MGAT4C: variants seen among roughly 807,000 people sequenced by gnomAD.
MGAT4C encodes alpha-1,3-mannosyl-glycoprotein 4-beta-N-acetylglucosaminyltransferase C.
Under a neutral mutation model 40.1 loss-of-function variants are expected in MGAT4C, and 19 were observed. The ratio of observed to expected loss-of-function variants is 0.47; its 90% confidence interval spans 0.33 to 0.70. MGAT4C has a LOEUF of 0.70. Among genes scored for constraint, MGAT4C ranks in the 30% least tolerant of loss-of-function variants. MGAT4C has a pLI of 0.02. For synonymous variants in MGAT4C, 181 were observed against 187.1 expected (o/e 0.97, Z 0.27); for missense variants, 491 against 563.2 (o/e 0.87, Z 1.30).
At chr12:86,158,028 T>A (rs1296377418) in intron 1 of MGAT4C, among the ~76,000 whole-genome samples, 1 of 152,122 alleles carries the variant, frequency 6.6e-6, no homozygotes, top group Non-Finnish European at 1.5e-5. Context: ...AAATAATAAA[T>A]CATATTGCCC....
intron 3 of MGAT4C, among the ~76,000 whole-genome samples, chr12:86,339,928 G>C (rs375061819): frequency 6.6e-6 from 1 of 152,010 alleles, no homozygotes; most frequent in African/African-American, 2.4e-5. Flanking sequence ...GCAGCACTTT[G>C]GTTTTATTTT....
At chr12:86,159,082 G>A (rs1885299941) in intron 1 of MGAT4C, among the ~76,000 whole-genome samples, 1 of 152,076 alleles carries the variant, frequency 6.6e-6, no homozygotes. Context: ...GAATAGAAGT[G>A]GTGAGAGTAG....
intron 2 of MGAT4C, among the ~76,000 whole-genome samples, chr12:86,544,417 T>G (rs11103983): frequency 6.6e-6 from 1 of 151,954 alleles, no homozygotes; most frequent in Non-Finnish European, 1.5e-5. Context: ...GTATCCTCAG[T>G]TTATTTGTGT....
chr12:86,287,867 T>G (rs888417568), intron 4 of MGAT4C, among the ~76,000 whole-genome samples: 9 of 152,216 alleles, frequency 5.9e-5, no homozygotes, highest in Admixed American at 5.9e-4. Flanking sequence ...ATATACCCAG[T>G]AATGGGATTG....
At chr12:86,610,606 C>T (rs1314208031) in intron 2 of MGAT4C, among the ~76,000 whole-genome samples, 2 of 149,812 alleles carry the variant, frequency 1.3e-5, no homozygotes, top group African/African-American at 2.5e-5. Flanking sequence ...TATTATTATA[C>T]TTCAAGTTTT....
chr12:86,599,050 A>G (rs1961654961), intron 2 of MGAT4C, among the ~76,000 whole-genome samples: 1 of 152,122 alleles, frequency 6.6e-6, no homozygotes, highest in African/African-American at 2.4e-5. Flanking sequence ...TAAGTACACC[A>G]TTCCTTCTTC....
chr12:86,669,537 T>C (rs900584139), intron 2 of MGAT4C, among the ~76,000 whole-genome samples: 1 of 152,196 alleles, frequency 6.6e-6, no homozygotes, highest in Non-Finnish European at 1.5e-5. Context: ...ATGCAGAGAA[T>C]TGGGTCAGGG....
At chr12:86,420,393 TA>T (rs886624389) in intron 3 of MGAT4C, among the ~76,000 whole-genome samples, 5 of 151,310 alleles carry the variant, frequency 3.3e-5, no homozygotes, top group African/African-American at 1.2e-4. Context: ...AAAAGAAAAT[TA>T]AAAAAAAATT....
intron 2 of MGAT4C, among the ~76,000 whole-genome samples, chr12:86,615,673 T>A (rs1962425245): frequency 6.6e-6 from 1 of 152,044 alleles, no homozygotes; most frequent in African/African-American, 2.4e-5. Context: ...AGAACGCTAA[T>A]CCTATGAGAT....
intron 1 of MGAT4C, among the ~76,000 whole-genome samples, chr12:86,805,834 C>G (rs1330661583): frequency 6.6e-6 from 1 of 152,006 alleles, no homozygotes; most frequent in African/African-American, 2.4e-5. Context: ...TTTACCTTCC[C>G]ACCAGCAGTG....
chr12:86,408,778 A>C (rs1592806515), intron 3 of MGAT4C, among the ~76,000 whole-genome samples: 2 of 152,018 alleles, frequency 1.3e-5, no homozygotes, highest in East Asian at 3.9e-4. Context: ...TTTAATTGTT[A>C]TCAAAAAGGA....
intron 4 of MGAT4C, among the ~76,000 whole-genome samples, chr12:86,330,465 G>A (rs753532579): frequency 3.9e-5 from 6 of 152,098 alleles, no homozygotes; most frequent in Non-Finnish European, 7.4e-5. Context: ...CAGAAATCTT[G>A]AGACCAATGA....
intron 2 of MGAT4C, among the ~76,000 whole-genome samples, chr12:86,589,148 A>T (rs1434098610): frequency 6.6e-6 from 1 of 152,094 alleles, no homozygotes; most frequent in African/African-American, 2.4e-5. Context: ...AAATTGATAG[A>T]CCGCTGGCAA....
At chr12:86,422,379 A>G (rs984035681) in intron 3 of MGAT4C, among the ~76,000 whole-genome samples, 1 of 152,164 alleles carries the variant, frequency 6.6e-6, no homozygotes, top group African/African-American at 2.4e-5. Context: ...AAACCAATTT[A>G]TTTTCAAAAT....
chr12:86,062,235 G>A (rs1000934979), intron 1 of MGAT4C, among the ~76,000 whole-genome samples: 15 of 152,148 alleles, frequency 9.9e-5, no homozygotes, highest in South Asian at 4.1e-4. Flanking sequence ...CGGCAAACAC[G>A]GTCTGGAATG....
chr12:86,005,754 A>G (rs1887810614), intron 2 of MGAT4C, among the ~76,000 whole-genome samples: 1 of 152,210 alleles, frequency 6.6e-6, no homozygotes, highest in Non-Finnish European at 1.5e-5. Flanking sequence ...TCCAGCAAAG[A>G]AAACTCAAAA....
chr12:86,627,436 C>T (rs920398172), intron 2 of MGAT4C, among the ~76,000 whole-genome samples: 6 of 152,166 alleles, frequency 3.9e-5, no homozygotes, highest in African/African-American at 7.2e-5. Flanking sequence ...ACCCTGACCC[C>T]GTGTAGCCTA....
chr12:86,586,823 T>C (rs1171614169), intron 2 of MGAT4C, among the ~76,000 whole-genome samples: 2 of 152,098 alleles, frequency 1.3e-5, no homozygotes, highest in South Asian at 2.1e-4. Flanking sequence ...TGTAAATTTG[T>C]TGGAGTTCAT....
chr12:86,470,967 G>A (rs1957750211), intron 2 of MGAT4C, among the ~76,000 whole-genome samples: 1 of 151,954 alleles, frequency 6.6e-6, no homozygotes, highest in African/African-American at 2.4e-5. Context: ...CCATGGAACA[G>A]CATCTCAAAA....
Sources: gnomAD v4.1 joint callset for allele counts (sites outside exome capture counted in the v4.1 genomes callset) on GRCh38, gnomAD v4.1.1 for gene constraint, MANE v1.5 for transcripts, NCBI Gene and HGNC (gene_info 2026-07-23, HGNC 2026-07-21) for gene names.